NINJ2: variants seen among roughly 807,000 people sequenced by gnomAD.
NINJ2 encodes the protein ninjurin-2.
A neutral mutation model predicts 11.7 loss-of-function variants in NINJ2; 12 were observed. That is an observed-to-expected ratio of 1.02 (90% CI 0.66 to 1.66). The LOEUF is 1.66. Ranked by LOEUF, NINJ2 falls within the 40% of genes most tolerant of loss-of-function variation. The pLI, the probability that NINJ2 is intolerant of heterozygous loss-of-function variation, is 0.00. For missense variants in NINJ2, 187 were observed against 181.8 expected, an observed-to-expected ratio of 1.03 and a Z score of -0.16; for synonymous variants, 93 against 76.8, an observed-to-expected ratio of 1.21 and a Z score of -1.10.
Position 643,249 on chromosome 12 carries a change from C to CT in NINJ2, c.33+20078dup, listed in dbSNP as rs148228349. On this transcript the variant is annotated intron_variant, in intron 1 of 3. Coordinates refer to ENST00000305108, the MANE Select transcript of NINJ2 (RefSeq NM_016533.6). ...GGCCCACAGCGCCCCTCCTGTGACC[C>CT]TCAGCGACCCTCCTGTCCTGCCCTC... 643 of 177,758 alleles carry CT rather than the reference C, an allele frequency of 3.6e-3. 31 individuals are homozygous for CT. The East Asian group carries it at 0.1, about 28-fold the overall frequency. The allele number at this position is 177,758 out of a possible 1,614,324, so 11.0% of individuals were successfully genotyped here. A position where few individuals can be genotyped will look rare whatever the true frequency, so the allele number is the denominator to read the frequency against.
intron 1 of NINJ2, among the ~76,000 whole-genome samples, chr12:649,519 G>GTATA (rs1385577578): frequency 3.7e-5 from 2 of 54,614 alleles, no homozygotes; most frequent in African/African-American, 9.6e-5. Context: ...GAATATGTGT[G>GTATA]TGTGTATATG....
chr12:595,843 A>G (rs1204653317), intron 1 of NINJ2, among the ~76,000 whole-genome samples: 1 of 152,244 alleles, frequency 6.6e-6, no homozygotes, highest in African/African-American at 2.4e-5. Flanking sequence ...CAGAATATGA[A>G]CCTGATTTGA....
intron 2 of NINJ2, 69 bp downstream of exon 2, chr12:565,881 A>C: frequency 3.8e-6 from 5 of 1,321,056 alleles, no homozygotes; most frequent in African/African-American, 1.4e-5. Context: ...GGCCCAGGGG[A>C]CACGTGGGGC....
At chr12:571,463 C>A (rs1425526269) in intron 1 of NINJ2, among the ~76,000 whole-genome samples, 4 of 152,192 alleles carry the variant, frequency 2.6e-5, no homozygotes, top group African/African-American at 9.7e-5. Flanking sequence ...TGGGGGACAC[C>A]ACAGACCCAG....
intron 1 of NINJ2, among the ~76,000 whole-genome samples, chr12:583,859 C>A (rs138497261): frequency 6.6e-6 from 1 of 152,200 alleles, no homozygotes; most frequent in East Asian, 1.9e-4. Context: ...CAGTCACCTA[C>A]TAAAAATGGG....
rs184415703 is a variant in NINJ2 at position 602,963 on chromosome 12, G to T, written c.34-36785C>A. On this transcript the variant is annotated intron_variant, in intron 1 of 3. Transcript: ENST00000305108. ...TCCTCCCACCCCAACCTCTTGACTA[G>T]TTAGAGCTACAGGCACATGGCCACC... Among the ~76,000 whole-genome samples the T allele has an allele frequency of 6.6e-4, 101 of 151,962 alleles. No individual in the cohort carries two copies. In the South Asian group the frequency reaches 9.8e-3, roughly 15 times the overall value.
At chr12:577,131 T>C (rs1592072686) in intron 1 of NINJ2, among the ~76,000 whole-genome samples, 1 of 152,302 alleles carries the variant, frequency 6.6e-6, no homozygotes, top group South Asian at 2.1e-4. Flanking sequence ...TTACAAACTG[T>C]CCTTCGAGTA....
chr12:569,581 G>A (rs1444933439), intron 1 of NINJ2, among the ~76,000 whole-genome samples: 1 of 152,174 alleles, frequency 6.6e-6, no homozygotes, highest in Non-Finnish European at 1.5e-5. Context: ...ATCGTTAACA[G>A]TGGACAAAAC....
chr12:575,318 C>A (rs1310503890), intron 1 of NINJ2, among the ~76,000 whole-genome samples: 1 of 152,212 alleles, frequency 6.6e-6, no homozygotes, highest in Non-Finnish European at 1.5e-5. Context: ...CTCCTCCCAC[C>A]CCTGAAGAGC....
intron 1 of NINJ2, chr12:590,645 G>T: frequency 6.6e-6 from 1 of 152,330 alleles, no homozygotes; most frequent in East Asian, 1.9e-4. Flanking sequence ...CCTGTCAAGG[G>T]CATAGTCCTT....
chr12:627,937 A>T (rs927910929), intron 1 of NINJ2, among the ~76,000 whole-genome samples: 4 of 152,164 alleles, frequency 2.6e-5, no homozygotes, highest in African/African-American at 9.7e-5. Context: ...TCCGTCTCAA[A>T]AAGAAAAAAA....
intron 1 of NINJ2, among the ~76,000 whole-genome samples, chr12:636,974 A>G (rs1193514181): frequency 1.3e-5 from 2 of 152,234 alleles, no homozygotes; most frequent in African/African-American, 4.8e-5. Context: ...CGGCGAAAAG[A>G]AACAAGCCAG....
intron 1 of NINJ2, among the ~76,000 whole-genome samples, chr12:616,649 T>C (rs7299915): frequency 0.014 from 2,070 of 152,328 alleles, 49 homozygotes; most frequent in African/African-American, 0.047. Flanking sequence ...AAGGGACTTC[T>C]TGACTACAAA....
At chr12:568,333 A>C (rs961733424) in intron 1 of NINJ2, among the ~76,000 whole-genome samples, 5 of 152,172 alleles carry the variant, frequency 3.3e-5, no homozygotes, top group Non-Finnish European at 7.3e-5. Context: ...TCCTAGGCCA[A>C]CAGAAGGGAG....
At chr12:645,267 T>G (rs1937658612) in intron 1 of NINJ2, 1 of 152,206 alleles carries the variant, frequency 6.6e-6, no homozygotes, top group South Asian at 2.1e-4. Flanking sequence ...GCTAGCTATG[T>G]GACTTTGCAC....
intron 1 of NINJ2, among the ~76,000 whole-genome samples, chr12:598,447 G>T (rs1482958432): frequency 1.3e-5 from 2 of 152,180 alleles, no homozygotes; most frequent in Non-Finnish European, 2.9e-5. Flanking sequence ...ACCAGACAGG[G>T]CTATGTCTAA....
chr12:605,117 T>G (rs1258572338), intron 1 of NINJ2, among the ~76,000 whole-genome samples: 1 of 152,190 alleles, frequency 6.6e-6, no homozygotes. Flanking sequence ...CCGTGTGAGA[T>G]GCGGCCTACT....
intron 1 of NINJ2, among the ~76,000 whole-genome samples, chr12:612,893 GTAGA>G (rs1364845352): frequency 6.6e-6 from 1 of 152,158 alleles, no homozygotes; most frequent in Non-Finnish European, 1.5e-5. Flanking sequence ...GGTGAACTAG[GTAGA>G]TAGACAGATT....
intron 1 of NINJ2, among the ~76,000 whole-genome samples, chr12:568,153 CTAAT>C (rs1335425518): frequency 6.6e-6 from 1 of 152,074 alleles, no homozygotes; most frequent in Non-Finnish European, 1.5e-5. Context: ...TTTTATTGGA[CTAAT>C]TATATATATA....
Sources: gnomAD v4.1 joint callset for allele counts (sites outside exome capture counted in the v4.1 genomes callset) on GRCh38, gnomAD v4.1.1 for gene constraint, MANE v1.5 for transcripts, NCBI Gene and HGNC (gene_info 2026-07-23, HGNC 2026-07-21) for gene names.